CARMIL1: variants seen among roughly 807,000 people sequenced by gnomAD.
CARMIL1 encodes the protein capping protein regulator and myosin 1 linker 1.
A neutral mutation model predicts 177.1 loss-of-function variants in CARMIL1; 90 were observed. The observed-to-expected ratio is 0.51, with a 90% CI of 0.43 to 0.61. The LOEUF (loss-of-function observed/expected upper bound fraction) is 0.61. Among genes scored for constraint, CARMIL1 ranks in the 20% least tolerant of loss-of-function variants. The pLI, the probability that CARMIL1 is intolerant of heterozygous loss-of-function variation, is 0.00. For missense variants in CARMIL1, 1,380 were observed against 1,667.0 expected (o/e 0.83, Z 3.00); for synonymous variants, 577 against 606.2 (o/e 0.95, Z 0.71).
intron 34 of CARMIL1, 115 bp downstream of exon 34, chr6:25,605,008 T>C (rs1394600560): frequency 1.3e-6 from 1 of 767,074 alleles, no homozygotes; most frequent in Non-Finnish European, 2.1e-6. Context: ...GATCTCTTTG[T>C]TGTGTGTTCT....
chr6:25,336,130 TC>T (rs1562000448), intron 2 of CARMIL1, among the ~76,000 whole-genome samples: 1 of 152,026 alleles, frequency 6.6e-6, no homozygotes, highest in Non-Finnish European at 1.5e-5. Flanking sequence ...CTTTAATGTC[TC>T]CCCCAACCCC....
intron 29 of CARMIL1, among the ~76,000 whole-genome samples, chr6:25,559,410 C>T (rs1810918397): frequency 6.6e-6 from 1 of 152,138 alleles, no homozygotes; most frequent in Non-Finnish European, 1.5e-5. Flanking sequence ...ATGCATTTTC[C>T]TTGGCAGCAT....
At chr6:25,354,316 A>G (rs1007858368) in intron 2 of CARMIL1, among the ~76,000 whole-genome samples, 1 of 145,170 alleles carries the variant, frequency 6.9e-6, no homozygotes, top group Admixed American at 6.9e-5. Context: ...GTAGCACCAC[A>G]CTTGACTAAT....
intron 2 of CARMIL1, among the ~76,000 whole-genome samples, chr6:25,340,780 T>G (rs946077047): frequency 2.4e-5 from 2 of 84,442 alleles, no homozygotes; most frequent in Admixed American, 1.2e-4. Flanking sequence ...AATGAAGGTT[T>G]TTTTTTTTTT....
At chr6:25,573,336 C>G (rs895974075) in intron 29 of CARMIL1, among the ~76,000 whole-genome samples, 4 of 152,006 alleles carry the variant, frequency 2.6e-5, no homozygotes, top group Admixed American at 6.6e-5. Flanking sequence ...AATTACTTTT[C>G]ATGTTAAAGG....
chr6:25,611,418 G>A (rs1816494632), intron 36 of CARMIL1, among the ~76,000 whole-genome samples: 3 of 152,184 alleles, frequency 2.0e-5, no homozygotes, highest in Admixed American at 1.3e-4. Context: ...AGGACCTTTG[G>A]TGATGCCATC....
rs141648737 is a variant in CARMIL1, at chr6:25,552,548, A to C, written c.2505-1461A>C. On this transcript the variant is annotated intron_variant, in intron 27 of 36. Transcript: ENST00000329474. ...CATGCATGTATGTATACATTCATATAATATGCACATTTGCATGGGCAGGTT... is the reference window on the plus strand; with the variant it reads ...CATGCATGTATGTATACATTCATATCATATGCACATTTGCATGGGCAGGTT... Among the ~76,000 whole-genome samples, 57 of 152,324 alleles carry C rather than the reference A, an allele frequency of 3.7e-4. 1 individual carries two copies. The highest frequency in any genetic ancestry group is 1.3e-3 in the African/African-American group (55 of 41,588).
intron 15 of CARMIL1, 23 bp from the exon 16 acceptor site, chr6:25,495,088 T>A: frequency 7.1e-7 from 1 of 1,403,124 alleles, no homozygotes; most frequent in Non-Finnish European, 1.0e-6. Flanking sequence ...TAACCGCTTG[T>A]GTAACTCTTG....
intron 2 of CARMIL1, among the ~76,000 whole-genome samples, chr6:25,366,621 A>C (rs1000617296): frequency 2.0e-5 from 3 of 151,020 alleles, no homozygotes; most frequent in African/African-American, 7.3e-5. Flanking sequence ...AACCTTTTAG[A>C]ATAGTGCCTG....
intron 2 of CARMIL1, among the ~76,000 whole-genome samples, chr6:25,354,732 T>C (rs990633152): frequency 4.6e-5 from 7 of 152,056 alleles, no homozygotes; most frequent in Non-Finnish European, 1.0e-4. Flanking sequence ...GAAACTTGAG[T>C]TGGGAAGGAA....
At chr6:25,556,921 T>TAAAA (rs57318254) in intron 29 of CARMIL1, 71 bp downstream of exon 29, 28 of 1,355,162 alleles carry the variant, frequency 2.1e-5, no homozygotes, top group East Asian at 9.6e-5. Context: ...TTTTTTTTTT[T>TAAAA]AAATCTCACC....
At chr6:25,614,642 C>T (rs973555578) in intron 36 of CARMIL1, among the ~76,000 whole-genome samples, 3 of 152,286 alleles carry the variant, frequency 2.0e-5, no homozygotes, top group East Asian at 1.9e-4. Context: ...TACATTTGAA[C>T]TATTGTTTTC....
chr6:25,516,594 A>G (rs189018773), intron 21 of CARMIL1, among the ~76,000 whole-genome samples: 36 of 152,352 alleles, frequency 2.4e-4, no homozygotes, highest in African/African-American at 8.4e-4. Flanking sequence ...AAAGAAGGTC[A>G]TCGAGATTAG....
intron 2 of CARMIL1, among the ~76,000 whole-genome samples, chr6:25,393,917 G>T (rs143396369): frequency 1.3e-5 from 2 of 152,206 alleles, no homozygotes; most frequent in South Asian, 2.1e-4. Flanking sequence ...TGAATAATAC[G>T]TTCTTGGGGA....
intron 5 of CARMIL1, among the ~76,000 whole-genome samples, chr6:25,441,365 G>A (rs1411978106): frequency 6.8e-6 from 1 of 146,662 alleles, no homozygotes; most frequent in African/African-American, 2.5e-5. Flanking sequence ...GTGTGTGTGT[G>A]TGTGTGTCTA....
intron 2 of CARMIL1, among the ~76,000 whole-genome samples, chr6:25,418,422 T>C (rs1170476717): frequency 6.6e-6 from 1 of 152,098 alleles, no homozygotes; most frequent in Non-Finnish European, 1.5e-5. Context: ...ATGTAGCCAG[T>C]CTTGCTACTA....
intron 8 of CARMIL1, among the ~76,000 whole-genome samples, chr6:25,456,363 T>G (rs1799531898): frequency 6.6e-6 from 1 of 152,220 alleles, no homozygotes; most frequent in Admixed American, 6.5e-5. Flanking sequence ...TGTTGCTGAA[T>G]AAGCATTCAG....
rs1582065329 is a variant in CARMIL1, at chr6:25,471,054, T to G, written c.691-115T>G. On this transcript the variant is annotated intron_variant, in intron 9 of 36. Coordinates refer to ENST00000329474, the MANE Select transcript of CARMIL1 (RefSeq NM_017640.6). ...GTAGTAGTAGATGCTCATTCAAGGT[T>G]TATTGAATGAGTGAATGTTTTACTT... is the stretch of plus-strand genomic sequence containing the variant. The G allele has an allele frequency of 8.4e-6, 5 of 592,690 alleles. No homozygotes were observed. The South Asian group carries it at 1.4e-4, about 16-fold the overall frequency. The allele number at this position is 592,690 out of a possible 1,614,324, so 36.7% of individuals were successfully genotyped here. A position where few individuals can be genotyped will look rare whatever the true frequency, so the allele number is the denominator to read the frequency against.
At chr6:25,456,453 G>A (rs1799539787) in intron 8 of CARMIL1, among the ~76,000 whole-genome samples, 1 of 152,068 alleles carries the variant, frequency 6.6e-6, no homozygotes, top group African/African-American at 2.4e-5. Context: ...TTGGAAAAAT[G>A]CCCACTCCAG....
Sources: allele counts gnomAD v4.1 joint callset (sites outside exome capture counted in the v4.1 genomes callset), GRCh38; gene constraint gnomAD v4.1.1; transcripts MANE v1.5; gene names NCBI Gene and HGNC (gene_info 2026-07-23, HGNC 2026-07-21).